Variants in SLC41A2 observed in about 807,000 individuals in gnomAD.
The protein encoded by SLC41A2 is SLC41A1-like 1.
A neutral mutation model predicts 58.3 loss-of-function variants in SLC41A2; 32 were observed. That is an observed-to-expected ratio of 0.55 (90% confidence interval 0.41 to 0.74). The LOEUF is 0.74. SLC41A2 is among the 30% of genes least tolerant of loss of function. The pLI is 0.00. For missense variants in SLC41A2, 514 were observed against 680.6 expected, an observed-to-expected ratio of 0.76 and a Z score of 2.72; for synonymous variants, 190 against 235.0, an observed-to-expected ratio of 0.81 and a Z score of 1.75.
intron 6 of SLC41A2, among the ~76,000 whole-genome samples, chr12:104,869,370 A>G (rs1484435873): frequency 6.6e-6 from 1 of 152,186 alleles, no homozygotes; most frequent in East Asian, 1.9e-4. Context: ...GTCTGTCATT[A>G]AAGACAAAGG....
chr12:104,824,035 C>T (rs2041743755), intron 10 of SLC41A2, among the ~76,000 whole-genome samples: 1 of 152,026 alleles, frequency 6.6e-6, no homozygotes, highest in Non-Finnish European at 1.5e-5. Flanking sequence ...CCAGGAGGGG[C>T]ATGGTCCCTT....
intron 5 of SLC41A2, among the ~76,000 whole-genome samples, chr12:104,888,567 T>G (rs773024167): frequency 4.6e-5 from 7 of 152,100 alleles, no homozygotes; most frequent in Non-Finnish European, 7.4e-5. Context: ...ATCTTAAGTA[T>G]AAGGTTATAT....
At chr12:104,927,167 C>T (rs1056501931) in intron 2 of SLC41A2, among the ~76,000 whole-genome samples, 6 of 151,984 alleles carry the variant, frequency 3.9e-5, no homozygotes, top group African/African-American at 9.7e-5. Context: ...TTTTGGAATG[C>T]GACTTGACAG....
At chr12:104,837,106 CAG>C (rs1180351626) in intron 10 of SLC41A2, among the ~76,000 whole-genome samples, 5 of 152,120 alleles carry the variant, frequency 3.3e-5, no homozygotes, top group African/African-American at 1.2e-4. Flanking sequence ...AATTAAATCA[CAG>C]AGGAAATTAA....
intron 1 of SLC41A2, among the ~76,000 whole-genome samples, chr12:104,947,258 C>T (rs771850942): frequency 1.1e-4 from 14 of 125,368 alleles, no homozygotes; most frequent in Middle Eastern, 6.3e-3. Context: ...GGCTGGAGTG[C>T]GGTGGTGCTA....
intron 10 of SLC41A2, among the ~76,000 whole-genome samples, chr12:104,832,721 T>C (rs977631500): frequency 6.6e-6 from 1 of 151,882 alleles, no homozygotes; most frequent in East Asian, 1.9e-4. Flanking sequence ...ACAGATGAAA[T>C]GAAGCAACTT....
At chr12:104,927,474 A>G (rs1018815655) in intron 2 of SLC41A2, among the ~76,000 whole-genome samples, 2 of 152,188 alleles carry the variant, frequency 1.3e-5, no homozygotes, top group African/African-American at 4.8e-5. Context: ...TATTTTTGGA[A>G]AAACTCTCAT....
chr12:104,955,217 T>C (rs1021957069), intron 1 of SLC41A2, among the ~76,000 whole-genome samples: 2 of 152,024 alleles, frequency 1.3e-5, no homozygotes, highest in African/African-American at 2.4e-5. Context: ...GGTTTCACCA[T>C]GTTGGCCAGT....
In SLC41A2 at chr12:104,867,229, T is replaced by C. The variant is rs139221229; in HGVS notation, c.1028-650A>G. Among the ~76,000 whole-genome samples the C allele has an allele frequency of 2.4e-3, 367 of 152,248 alleles. 3 individuals carry two copies. Among genetic ancestry groups the C allele is most frequent in the African/African-American group, 8.4e-3 (349 of 41,572 alleles). ...TTGATTCTCAATTCATATTTAATTC[T>C]AAATCTCCCTAGGGTTAAAAGTTGC... On this transcript the variant is annotated intron_variant, in intron 6 of 10. Coordinates refer to ENST00000258538, the MANE Select transcript of SLC41A2 (RefSeq NM_001352171.3).
At chr12:104,846,571 C>A (rs1158036688) in intron 8 of SLC41A2, among the ~76,000 whole-genome samples, 2 of 152,198 alleles carry the variant, frequency 1.3e-5, no homozygotes, top group Non-Finnish European at 2.9e-5. Flanking sequence ...AATTCAAATT[C>A]TTAACTGATG....
At chr12:104,919,740 T>C (rs745528431) in intron 2 of SLC41A2, among the ~76,000 whole-genome samples, 2 of 152,244 alleles carry the variant, frequency 1.3e-5, no homozygotes, top group East Asian at 1.9e-4. Flanking sequence ...CTTTGTCAGA[T>C]AGGTGGTTTG....
intron 3 of SLC41A2, among the ~76,000 whole-genome samples, chr12:104,898,576 T>A (rs186295389): frequency 7.2e-4 from 109 of 152,104 alleles, no homozygotes; most frequent in Middle Eastern, 6.8e-3. Context: ...TACATTTTTT[T>A]AAAAACCAGA....
intron 2 of SLC41A2, among the ~76,000 whole-genome samples, chr12:104,920,495 A>G (rs930478874): frequency 6.6e-6 from 1 of 151,988 alleles, no homozygotes; most frequent in Non-Finnish European, 1.5e-5. Flanking sequence ...AATTCATTGA[A>G]AGCTCTCAAC....
chr12:104,830,138 G>C (rs184861272), intron 10 of SLC41A2, among the ~76,000 whole-genome samples: 71 of 152,248 alleles, frequency 4.7e-4, no homozygotes, highest in African/African-American at 1.6e-3. Flanking sequence ...CCTGTGACTG[G>C]GGAGTTGGTT....
chr12:104,957,876 G>C (rs1242891908), intron 1 of SLC41A2, among the ~76,000 whole-genome samples: 1 of 151,998 alleles, frequency 6.6e-6, no homozygotes, highest in African/African-American at 2.4e-5. Flanking sequence ...CCGAGGTGGG[G>C]CAGGCGCGGG....
At chr12:104,824,035 C>G (rs2041743755) in intron 10 of SLC41A2, among the ~76,000 whole-genome samples, 1 of 152,026 alleles carries the variant, frequency 6.6e-6, no homozygotes, top group Non-Finnish European at 1.5e-5. Context: ...CCAGGAGGGG[C>G]ATGGTCCCTT....
chr12:104,842,349 TC>T (rs2042444043), intron 10 of SLC41A2, among the ~76,000 whole-genome samples: 1 of 151,970 alleles, frequency 6.6e-6, no homozygotes, highest in African/African-American at 2.4e-5. Flanking sequence ...AATGCAAAGG[TC>T]TACTCTGGCA....
intron 10 of SLC41A2, among the ~76,000 whole-genome samples, chr12:104,823,266 G>C (rs2041711520): frequency 1.3e-5 from 2 of 151,978 alleles, no homozygotes; most frequent in South Asian, 4.1e-4. Context: ...CATTACATTT[G>C]GTTATTTAGT....
At chr12:104,868,445 CA>C in intron 6 of SLC41A2, among the ~76,000 whole-genome samples, 2 of 152,116 alleles carry the variant, frequency 1.3e-5, no homozygotes, top group Non-Finnish European at 2.9e-5. Context: ...CTGAAAAACG[CA>C]CCCACCACAC....
Sources: gnomAD v4.1 joint callset for allele counts (sites outside exome capture counted in the v4.1 genomes callset) on GRCh38, gnomAD v4.1.1 for gene constraint, MANE v1.5 for transcripts, NCBI Gene and HGNC (gene_info 2026-07-23, HGNC 2026-07-21) for gene names.